KCTD8: variants seen among roughly 807,000 people sequenced by gnomAD.
KCTD8 encodes potassium channel tetramerization domain containing 8.
Under a neutral mutation model 31.5 loss-of-function variants are expected in KCTD8, and 27 were observed. The observed-to-expected ratio is 0.86, with a 90% CI of 0.63 to 1.18. The LOEUF is 1.18. Ranked by LOEUF, KCTD8 falls within the 50% of genes most tolerant of loss-of-function variation. The probability of loss-of-function intolerance (pLI) is 0.00; values close to 1 mark genes in which losing one functional copy is unlikely to be tolerated. For missense variants in KCTD8, 658 were observed against 647.7 expected (o/e 1.02, Z -0.17); for synonymous variants, 290 against 280.0 (o/e 1.04, Z -0.36).
rs568021748 is a variant in KCTD8, at chr4:44,267,450, C to T, written c.962-92200G>A. ...GCCCACAAGAGAAAGCAGGAAAGAT[C>T]CAAAATTGACACCCTAACATCACAA... On this transcript the variant is annotated intron_variant, in intron 1 of 1. Transcript: ENST00000360029. 1.7e-4 allele frequency among the ~76,000 whole-genome samples: 26 copies of T among 152,142 alleles called. No homozygotes were observed. In the East Asian group the frequency reaches 5.0e-3, roughly 29 times the overall value.
intron 1 of KCTD8, among the ~76,000 whole-genome samples, chr4:44,346,204 C>G (rs1040616504): frequency 2.0e-5 from 3 of 152,042 alleles, no homozygotes; most frequent in Non-Finnish European, 2.9e-5. Flanking sequence ...TTCTATATCT[C>G]GAAGGCTCAG....
At chr4:44,383,210 T>C (rs1196777930) in intron 1 of KCTD8, among the ~76,000 whole-genome samples, 1 of 152,060 alleles carries the variant, frequency 6.6e-6, no homozygotes, top group Non-Finnish European at 1.5e-5. Context: ...TCATAGATTG[T>C]AAGAATTAAC....
At chr4:44,359,309 A>G (rs1719438440) in intron 1 of KCTD8, among the ~76,000 whole-genome samples, 1 of 151,838 alleles carries the variant, frequency 6.6e-6, no homozygotes, top group Admixed American at 6.6e-5. Flanking sequence ...TGCTTCTTCT[A>G]TTAACTGGCT....
chr4:44,430,839 C>G (rs1721485073), intron 1 of KCTD8, among the ~76,000 whole-genome samples: 1 of 151,566 alleles, frequency 6.6e-6, no homozygotes, highest in Non-Finnish European at 1.5e-5. Flanking sequence ...GCATTAGACT[C>G]ACCTTTTACT....
chr4:44,216,301 A>C (rs554265600), intron 1 of KCTD8, among the ~76,000 whole-genome samples: 1 of 152,290 alleles, frequency 6.6e-6, no homozygotes, highest in South Asian at 2.1e-4. Context: ...TACAGTAAGT[A>C]GATATATTAA....
chr4:44,408,059 T>C (rs1720846495), intron 1 of KCTD8, among the ~76,000 whole-genome samples: 1 of 152,192 alleles, frequency 6.6e-6, no homozygotes. Context: ...ATTGGGGAAC[T>C]ATATATCCTA....
intron 1 of KCTD8, among the ~76,000 whole-genome samples, chr4:44,205,539 C>T (rs115958770): frequency 0.042 from 6,347 of 152,138 alleles, 443 homozygotes; most frequent in African/African-American, 0.15. Flanking sequence ...GTAAAGTTCT[C>T]TAAAATAATT....
chr4:44,417,728 T>C (rs1721112537), intron 1 of KCTD8, among the ~76,000 whole-genome samples: 1 of 143,580 alleles, frequency 7.0e-6, no homozygotes, highest in Non-Finnish European at 1.5e-5. Flanking sequence ...ATTAGCCAAC[T>C]ATATCTACTA....
intron 1 of KCTD8, among the ~76,000 whole-genome samples, chr4:44,280,563 T>C (rs1412459438): frequency 6.6e-6 from 1 of 152,054 alleles, no homozygotes; most frequent in East Asian, 1.9e-4. Flanking sequence ...GCCTCCATTG[T>C]ATGCTCTCCC....
chr4:44,355,542 T>C (rs957825991), intron 1 of KCTD8, among the ~76,000 whole-genome samples: 1 of 152,192 alleles, frequency 6.6e-6, no homozygotes, highest in African/African-American at 2.4e-5. Context: ...AAAAATATTC[T>C]TTGCCATTAT....
chr4:44,303,523 C>A (rs1227008819), intron 1 of KCTD8, among the ~76,000 whole-genome samples: 1 of 151,916 alleles, frequency 6.6e-6, no homozygotes, highest in Non-Finnish European at 1.5e-5. Flanking sequence ...GTAATAAGAA[C>A]TCTTAAATAA....
intron 1 of KCTD8, among the ~76,000 whole-genome samples, chr4:44,446,107 A>C (rs1353340340): frequency 6.6e-6 from 1 of 152,168 alleles, no homozygotes; most frequent in Non-Finnish European, 1.5e-5. Flanking sequence ...CATTACTTTA[A>C]AAAGTAGTCT....
intron 1 of KCTD8, among the ~76,000 whole-genome samples, chr4:44,202,489 C>T (rs552058643): frequency 6.6e-6 from 1 of 152,296 alleles, no homozygotes; most frequent in African/African-American, 2.4e-5. Context: ...ACCATGGATG[C>T]AGCTGGAAGC....
rs143762271 is a variant in KCTD8 at position 44,296,798 on chromosome 4, C to T, written c.962-121548G>A. Among the ~76,000 whole-genome samples the T allele has an allele frequency of 3.3e-5, 5 of 151,558 alleles. No homozygotes were observed. The East Asian group carries it at 9.7e-4, about 29-fold the overall frequency. On this transcript the variant is annotated intron_variant, in intron 1 of 1. Coordinates refer to ENST00000360029, the MANE Select transcript of KCTD8 (RefSeq NM_198353.3). ...TTTGAAAGTTTTTTTGAGTATTTCCCACAGCAACAATCTAAAATACACACT... is the reference window on the plus strand; with the variant it reads ...TTTGAAAGTTTTTTTGAGTATTTCCTACAGCAACAATCTAAAATACACACT...
At chr4:44,361,217 A>C (rs1577636270) in intron 1 of KCTD8, among the ~76,000 whole-genome samples, 1 of 152,192 alleles carries the variant, frequency 6.6e-6, no homozygotes, top group South Asian at 2.1e-4. Context: ...TGGAATAATT[A>C]AGACTGAAAG....
At chr4:44,280,324 C>T (rs1207215029) in intron 1 of KCTD8, among the ~76,000 whole-genome samples, 1 of 152,074 alleles carries the variant, frequency 6.6e-6, no homozygotes, top group Non-Finnish European at 1.5e-5. Context: ...ATGATTCATA[C>T]TGCTACCCTC....
chr4:44,318,702 T>C (rs760974566), intron 1 of KCTD8, among the ~76,000 whole-genome samples: 3 of 152,162 alleles, frequency 2.0e-5, no homozygotes, highest in Non-Finnish European at 2.9e-5. Context: ...CGTGAACACA[T>C]GCAACATTTT....
Position 44,204,023 on chromosome 4 carries a change from TCC to T in KCTD8, c.962-28775_962-28774del, listed in dbSNP as rs558543297. ...AAATCTATATAACTTTACAGTTACTTCCAGTACAAAAAAATGAAGGCAGCTCA... is the reference window on the plus strand; with the variant it reads ...AAATCTATATAACTTTACAGTTACTTAGTACAAAAAAATGAAGGCAGCTCA... On this transcript the variant is annotated intron_variant, in intron 1 of 1. Transcript: ENST00000360029. Among the ~76,000 whole-genome samples, 194 of 152,060 alleles carry T rather than the reference TCC, an allele frequency of 1.3e-3. 1 individual carries two copies. The highest frequency in any genetic ancestry group is 4.6e-3 in the African/African-American group (192 of 41,560).
intron 1 of KCTD8, among the ~76,000 whole-genome samples, chr4:44,352,649 A>G (rs1394181908): frequency 6.6e-6 from 1 of 151,172 alleles, no homozygotes; most frequent in Non-Finnish European, 1.5e-5. Flanking sequence ...AACACATTGA[A>G]ATATGAGAAA....
Sources: allele counts gnomAD v4.1 joint callset (sites outside exome capture counted in the v4.1 genomes callset), GRCh38; gene constraint gnomAD v4.1.1; transcripts MANE v1.5; gene names NCBI Gene and HGNC (gene_info 2026-07-23, HGNC 2026-07-21).